The following CTNNA2 variants were observed in gnomAD, a reference collection of about 807,000 sequenced individuals.
CTNNA2 encodes the protein catenin alpha-2.
Under a neutral mutation model 101.0 loss-of-function variants are expected in CTNNA2, and 42 were observed. The observed-to-expected ratio is 0.42, with a 90% CI of 0.32 to 0.54. CTNNA2 has a LOEUF of 0.54. Among genes scored for constraint, CTNNA2 ranks in the 20% least tolerant of loss-of-function variants. The pLI is 0.14. For missense variants in CTNNA2, 871 were observed against 1,223.1 expected (o/e 0.71, Z 4.29); for synonymous variants, 450 against 456.4 (o/e 0.99, Z 0.18).
chr2:80,037,661 C>T (rs1020565930), intron 7 of CTNNA2, among the ~76,000 whole-genome samples: 4 of 152,014 alleles, frequency 2.6e-5, no homozygotes, highest in East Asian at 1.9e-4. Context: ...GTTGCTGTGA[C>T]GATTAAATGA....
rs549114533 is a variant in CTNNA2, at chr2:79,933,954, A to T, written c.1056+24157A>T. Among the ~76,000 whole-genome samples, 17 of 152,356 alleles carry T rather than the reference A, an allele frequency of 1.1e-4. No individual in the cohort carries two copies. The East Asian group carries it at 1.9e-3, about 17-fold the overall frequency. On this transcript the variant is annotated intron_variant, in intron 7 of 18. Transcript: ENST00000402739. ...TTTAAAGATCAGTAATAAATATAAA[A>T]TTTAAGGAAGTTCCATGAGGTAATA...
chr2:79,567,777 G>C (rs989196204), intron 1 of CTNNA2, among the ~76,000 whole-genome samples: 5 of 152,010 alleles, frequency 3.3e-5, no homozygotes, highest in Admixed American at 2.6e-4. Flanking sequence ...CAGCATAGTG[G>C]GAAAGAGCCA....
chr2:80,464,557 T>C (rs1684702443), intron 9 of CTNNA2, among the ~76,000 whole-genome samples: 1 of 152,180 alleles, frequency 6.6e-6, no homozygotes, highest in Non-Finnish European at 1.5e-5. Context: ...ATCAGGAAAT[T>C]CTGTCCTAAT....
At chr2:79,881,040 C>A (rs1343734120) in intron 6 of CTNNA2, among the ~76,000 whole-genome samples, 1 of 152,092 alleles carries the variant, frequency 6.6e-6, no homozygotes, top group Non-Finnish European at 1.5e-5. Context: ...TTTCAAAGAA[C>A]ATCTTGATTT....
chr2:79,624,640 A>T (rs1679194421), intron 1 of CTNNA2, among the ~76,000 whole-genome samples: 1 of 152,154 alleles, frequency 6.6e-6, no homozygotes, highest in African/African-American at 2.4e-5. Flanking sequence ...GGAGTGAATT[A>T]ATTAGTTAAT....
intron 4 of CTNNA2, among the ~76,000 whole-genome samples, chr2:79,388,024 G>A (rs1192172834): frequency 6.6e-6 from 1 of 152,116 alleles, no homozygotes; most frequent in Non-Finnish European, 1.5e-5. Context: ...ACTGTATTAA[G>A]GGGAGAATAA....
intron 7 of CTNNA2, among the ~76,000 whole-genome samples, chr2:80,357,179 C>T (rs1673894955): frequency 6.8e-6 from 1 of 146,896 alleles, no homozygotes; most frequent in Non-Finnish European, 1.5e-5. Flanking sequence ...CACCACAGAT[C>T]CCTGAAGGCT....
intron 7 of CTNNA2, among the ~76,000 whole-genome samples, chr2:80,219,959 A>G (rs931108105): frequency 1.3e-5 from 2 of 152,180 alleles, no homozygotes; most frequent in Non-Finnish European, 2.9e-5. Context: ...CTTCCCTCAC[A>G]GTACATTAAA....
At chr2:80,159,622 C>T (rs1466187080) in intron 7 of CTNNA2, among the ~76,000 whole-genome samples, 3 of 152,034 alleles carry the variant, frequency 2.0e-5, no homozygotes, top group East Asian at 3.9e-4. Context: ...GGATTACAGG[C>T]ATGCACCACC....
chr2:79,408,559 G>T (rs1573151699), intron 4 of CTNNA2, among the ~76,000 whole-genome samples: 2 of 150,910 alleles, frequency 1.3e-5, no homozygotes, highest in Middle Eastern at 3.4e-3. Flanking sequence ...GCGGTATTTG[G>T]TTTTTTGTCC....
intron 2 of CTNNA2, among the ~76,000 whole-genome samples, chr2:79,232,289 CT>C (rs201207067): frequency 1.1e-4 from 16 of 151,530 alleles, no homozygotes; most frequent in South Asian, 6.3e-4. Flanking sequence ...TTATCTAAGA[CT>C]TTTTTTTTCC....
chr2:80,394,688 G>A (rs762263158), intron 8 of CTNNA2, among the ~76,000 whole-genome samples: 3 of 152,082 alleles, frequency 2.0e-5, no homozygotes, highest in Non-Finnish European at 2.9e-5. Context: ...TAGCTCTGCC[G>A]CTAAACTGGC....
chr2:80,565,032 G>A (rs1056344783), intron 12 of CTNNA2, among the ~76,000 whole-genome samples: 1 of 152,182 alleles, frequency 6.6e-6, no homozygotes, highest in Non-Finnish European at 1.5e-5. Flanking sequence ...TCAATCAAGT[G>A]ATGTAAATTA....
At position 80,162,793 on chromosome 2, in the gene CTNNA2, T is replaced by C. The variant is rs977684515; in HGVS notation, c.1057-230418T>C. The C allele has an allele frequency of 1.8e-5, 29 of 1,588,150 alleles. No individual in the cohort carries two copies. In the Middle Eastern group the frequency reaches 5.0e-4, roughly 28 times the overall value. The stretch of plus-strand genomic sequence containing the variant: ...AATTTTCCACCATATGACATTTGTC[T>C]CAAAGCACTGTTCATCACTGCTTGT... On this transcript the variant is annotated intron_variant, in intron 7 of 18. Coordinates refer to ENST00000402739, the MANE Select transcript of CTNNA2 (RefSeq NM_001282597.3).
intron 6 of CTNNA2, among the ~76,000 whole-genome samples, chr2:79,897,458 ATGATT>A (rs538336550): frequency 1.5e-3 from 225 of 152,310 alleles, no homozygotes; most frequent in African/African-American, 5.1e-3. Context: ...GCTATTTGAA[ATGATT>A]TGATGTTTAA....
intron 2 of CTNNA2, among the ~76,000 whole-genome samples, chr2:79,687,969 G>A (rs965934061): frequency 1.3e-5 from 2 of 152,062 alleles, no homozygotes; most frequent in African/African-American, 4.8e-5. Context: ...AAACTATAAA[G>A]TGAGAGCATC....
At chr2:79,196,490 T>C (rs894162930) in intron 1 of CTNNA2, among the ~76,000 whole-genome samples, 3 of 152,222 alleles carry the variant, frequency 2.0e-5, no homozygotes, top group Non-Finnish European at 4.4e-5. Context: ...TTCCCTCCTA[T>C]CATGTGAATC....
intron 11 of CTNNA2, among the ~76,000 whole-genome samples, chr2:80,549,347 A>G (rs976280121): frequency 1.3e-5 from 2 of 151,902 alleles, no homozygotes; most frequent in African/African-American, 4.8e-5. Context: ...ATTTTTTTTT[A>G]ACTCTACAGT....
In CTNNA2 at chr2:80,180,510, T is replaced by C. The variant is rs188930322; in HGVS notation, c.1057-212701T>C. Among the ~76,000 whole-genome samples the C allele has an allele frequency of 1.9e-3, 294 of 152,302 alleles. 4 individuals carry two copies. The highest frequency in any genetic ancestry group is 1.0e-3 in the Non-Finnish European group (69 of 68,028). On this transcript the variant is annotated intron_variant, in intron 7 of 18. Transcript: ENST00000402739. ...TACGGTAACTATGCCCACCTTGCCT[T>C]TGACAGTTGAGTGCTGCCATTTGGC...
Sources: allele counts gnomAD v4.1 joint callset (sites outside exome capture counted in the v4.1 genomes callset), GRCh38; gene constraint gnomAD v4.1.1; transcripts MANE v1.5; gene names NCBI Gene and HGNC (gene_info 2026-07-23, HGNC 2026-07-21).